ECSIT: variants seen among roughly 807,000 people sequenced by gnomAD.
ECSIT encodes the protein evolutionarily conserved signaling intermediate in Toll pathway, mitochondrial.
In ECSIT, 29 loss-of-function variants were observed where a neutral mutation model predicts 36.8. That is an observed-to-expected ratio of 0.79 (90% confidence interval 0.59 to 1.08). The LOEUF is 1.08. Ranked by LOEUF, ECSIT falls within the 50% of genes least tolerant of loss-of-function variation. The pLI, the probability that ECSIT is intolerant of heterozygous loss-of-function variation, is 0.00. For missense variants in ECSIT, 542 were observed against 581.0 expected (o/e 0.93, Z 0.69); for synonymous variants, 231 against 234.8 (o/e 0.98, Z 0.15).
Position 11,508,019 on chromosome 19 carries a change from T to C in ECSIT, c.768A>G (p.Ala256=). The C allele has an allele frequency of 3.1e-6, 5 of 1,614,186 alleles. No individual in the cohort carries two copies. Among genetic ancestry groups the C allele is most frequent in the Non-Finnish European group, 4.2e-6 (5 of 1,180,040 alleles). ...QVPLPKDSTG[A]ADPPQPHIVG... is the part of the protein sequence containing the mutation. ...CGATGTGGGGCTGGGGGGGATCTGC[T>C]GCACCTGTTGAGTCTTTGGGCAAAG... is the stretch of plus-strand genomic sequence containing the variant. The change falls in exon 5 of 8, where the codon GCA becomes GCG. Residue 256 remains alanine (A), a synonymous_variant. Coordinates refer to ENST00000270517, the MANE Select transcript of ECSIT (RefSeq NM_016581.5).
rs778037100 is a variant in ECSIT at position 11,513,965 on chromosome 19, C to T, written c.353G>A (p.Arg118Gln). 8.1e-6 allele frequency: 13 copies of T among 1,614,102 alleles called. No individual in the cohort carries two copies. Among genetic ancestry groups the T allele is most frequent in the East Asian group, 2.2e-5 (1 of 44,894 alleles). The change falls in exon 3 of 8, where the codon CGG (arginine) becomes CAG (glutamine). Residue 118 changes from arginine (R) to glutamine (Q), a missense_variant. Arg to Gln is a conservative substitution (Grantham distance 43). Coordinates refer to ENST00000270517, the MANE Select transcript of ECSIT (RefSeq NM_016581.5). ...DFIYLALRKM[R>Q]EYGVERDLAV... is the part of the protein sequence containing the mutation. The stretch of plus-strand genomic sequence containing the variant: ...CAGGTCCCGCTCGACACCATACTCC[C>T]GCATCTTGCGCAGGGCCAGGTAGAT...
At position 11,523,387 on chromosome 19, in the gene ECSIT, C is replaced by T. The variant is rs559281074; in HGVS notation, c.-23-4194G>A. 53 of 486,666 alleles carry T rather than the reference C, an allele frequency of 1.1e-4. No individual in the cohort carries two copies. The South Asian group carries it at 1.6e-3, about 14-fold the overall frequency. The allele number at this position is 486,666 out of a possible 1,614,324, so 30.1% of individuals were successfully genotyped here. The stretch of plus-strand genomic sequence containing the variant: ...CTGCCACTGCCGAGTTGCGCGGAGG[C>T]GGAGGCTTGGGTATGTTCAAGATTC... On this transcript the variant is annotated intron_variant, in intron 1 of 7. Coordinates refer to ENST00000270517, the MANE Select transcript of ECSIT (RefSeq NM_016581.5).
At position 11,522,500 on chromosome 19, in the gene ECSIT, G is replaced by A. The variant is rs1972126086; in HGVS notation, c.-23-3307C>T. 2.8e-6 allele frequency: 3 copies of A among 1,075,528 alleles called. No homozygotes were observed. The South Asian group carries it at 3.9e-5, about 14-fold the overall frequency. 66.6% of individuals were successfully genotyped at this position (1,075,528 alleles called of 1,614,324 possible). A position where few individuals can be genotyped will look rare whatever the true frequency, so the allele number is the denominator to read the frequency against. On this transcript the variant is annotated intron_variant, in intron 1 of 7. Transcript: ENST00000270517. ...AAAAGGCCCAACACCTTCTTCTAGG[G>A]GTAGGGCCCTCACCCAGGTGTGCCC...
chr19:11,509,679 A>C (rs1320259412), intron 4 of ECSIT, among the ~76,000 whole-genome samples: 1 of 151,142 alleles, frequency 6.6e-6, no homozygotes. Flanking sequence ...GAGGCACAAG[A>C]ATTGCTTGAA....
intron 7 of ECSIT, 90 bp downstream of exon 7, chr19:11,507,367 C>T: frequency 9.5e-7 from 1 of 1,054,722 alleles, no homozygotes; most frequent in South Asian, 1.3e-5. Flanking sequence ...ACCTCAACTC[C>T]TGGGCTCAAG....
At chr19:11,508,425 A>G (rs1051663417) in intron 4 of ECSIT, among the ~76,000 whole-genome samples, 2 of 140,382 alleles carry the variant, frequency 1.4e-5, no homozygotes, top group African/African-American at 6.1e-5. Context: ...CCTCTCTGTC[A>G]TCCATGCTGG....
At chr19:11,522,261 G>C (rs1972120310) in intron 1 of ECSIT, 2 of 630,562 alleles carry the variant, frequency 3.2e-6, no homozygotes, top group Non-Finnish European at 5.7e-6. Flanking sequence ...AGGAATATTG[G>C]GACCTGACCA....
intron 1 of ECSIT, chr19:11,523,508 G>T (rs548407652): frequency 1.8e-6 from 2 of 1,087,202 alleles, no homozygotes; most frequent in Non-Finnish European, 2.7e-6. Flanking sequence ...GCTGAAGACC[G>T]CCCTCATCCA....
chr19:11,513,782 T>C, intron 3 of ECSIT, 22 bp downstream of exon 3: 1 of 1,613,252 alleles, frequency 6.2e-7, no homozygotes, highest in South Asian at 1.1e-5. Context: ...CTCCCCACCC[T>C]GCGCCAGCCT....
chr19:11,522,482 CCAA>C, intron 1 of ECSIT: 5 of 1,304,698 alleles, frequency 3.8e-6, no homozygotes, highest in Non-Finnish European at 5.4e-6. Flanking sequence ...ACCAAAAGGC[CCAA>C]CACCTTCTTC....
At chr19:11,507,925 C>T in intron 5 of ECSIT, 66 bp downstream of exon 5, 2 of 1,614,056 alleles carry the variant, frequency 1.2e-6, no homozygotes, top group Non-Finnish European at 1.7e-6. Flanking sequence ...AGCCTAGGCC[C>T]AGCGAGAACC....
intron 2 of ECSIT, among the ~76,000 whole-genome samples, chr19:11,515,035 C>T (rs1971961689): frequency 6.6e-6 from 1 of 150,762 alleles, no homozygotes; most frequent in East Asian, 1.9e-4. Context: ...GATGGGGTTT[C>T]ATCATGTTGG....
At chr19:11,518,197 C>T (rs1331662115) in intron 2 of ECSIT, among the ~76,000 whole-genome samples, 1 of 151,968 alleles carries the variant, frequency 6.6e-6, no homozygotes, top group Admixed American at 6.6e-5. Context: ...GAGGCCGAGG[C>T]GGGTGAATCA....
chr19:11,526,719 CTT>C (rs549859600), intron 1 of ECSIT, among the ~76,000 whole-genome samples: 47 of 131,650 alleles, frequency 3.6e-4, no homozygotes, highest in African/African-American at 6.6e-4. Flanking sequence ...CCAGAGGGAG[CTT>C]TTTTTTTTTT....
chr19:11,522,156 T>A (rs1457718104), intron 1 of ECSIT: 1 of 438,090 alleles, frequency 2.3e-6, no homozygotes, highest in East Asian at 4.8e-5. Flanking sequence ...GACTGTCAAC[T>A]GTGGGCAGGC....
At position 11,514,205 on chromosome 19, in the gene ECSIT, G is replaced by C. The variant is rs531970337; in HGVS notation, c.113C>G (p.Pro38Arg). The C allele has an allele frequency of 1.4e-5, 22 of 1,604,944 alleles. No individual in the cohort carries two copies. The African/African-American group carries it at 2.9e-4, about 21-fold the overall frequency. Residue 38 changes from proline (P) to arginine (R), a missense_variant, in exon 3 of 8, where the codon CCT becomes CGT. Pro to Arg is a moderately radical substitution (Grantham distance 103). Transcript: ENST00000270517. ...AGCTGCGCTGCAGTGGAGGCCCCGAGGGAGCCGGCGAGGGACCTGGGGAGG... is the reference window on the plus strand; with the variant it reads ...AGCTGCGCTGCAGTGGAGGCCCCGACGGAGCCGGCGAGGGACCTGGGGAGG... ...TSISQVPRRL[P>R]RGLHCSAAAH...
At position 11,507,796 on chromosome 19, in the gene ECSIT, G is replaced by C; in HGVS notation, c.851C>G (p.Pro284Arg). 1 of 1,614,140 alleles carries C rather than the reference G, an allele frequency of 6.2e-7. No homozygotes were observed. The highest frequency in any genetic ancestry group is 8.5e-7 in the Non-Finnish European group (1 of 1,180,042). The change falls in exon 6 of 8, where the codon CCT becomes CGT. Residue 284 changes from proline (P) to arginine (R), a missense_variant. Pro to Arg is a moderately radical substitution (Grantham distance 103, BLOSUM62 -2). Coordinates refer to ENST00000270517, the MANE Select transcript of ECSIT (RefSeq NM_016581.5). ...GGAGAAGGGGCCCTCAACAAAGACA[G>C]GCCGGGCTGGATTGTGGCGGGCCAG... ...AALARHNPAR[P>R]VFVEGPFSLW...
intron 2 of ECSIT, among the ~76,000 whole-genome samples, chr19:11,517,005 C>T (rs1349816490): frequency 5.9e-5 from 9 of 151,372 alleles, no homozygotes; most frequent in Non-Finnish European, 1.2e-4. Context: ...GGCAACAGAG[C>T]GAGACCCTAT....
At chr19:11,529,031 G>A (rs905674861) in intron 1 of ECSIT, 31 bp downstream of exon 1, 9 of 152,304 alleles carry the variant, frequency 5.9e-5, no homozygotes, top group Non-Finnish European at 1.0e-4. Flanking sequence ...CAGCCCAGCA[G>A]TTCGCGTTCG....
Sources: allele counts gnomAD v4.1 joint callset (sites outside exome capture counted in the v4.1 genomes callset), GRCh38; gene constraint gnomAD v4.1.1; transcripts MANE v1.5; gene names NCBI Gene and HGNC (gene_info 2026-07-23, HGNC 2026-07-21).